TRIM2: variants seen among roughly 807,000 people sequenced by gnomAD.
TRIM2 encodes tripartite motif-containing protein 2.
In TRIM2, 20 loss-of-function variants were observed where a neutral mutation model predicts 75.2. The ratio of observed to expected loss-of-function variants is 0.27; its 90% CI spans 0.19 to 0.39. The LOEUF (loss-of-function observed/expected upper bound fraction) is 0.39. TRIM2 is among the 10% of genes least tolerant of loss of function. TRIM2 has a pLI of 1.00. For missense variants in TRIM2, 660 were observed against 990.8 expected, an observed-to-expected ratio of 0.67 and a Z score of 4.48; for synonymous variants, 373 against 388.3, an observed-to-expected ratio of 0.96 and a Z score of 0.46.
chr4:153,211,767 G>A (rs890695328), intron 1 of TRIM2, among the ~76,000 whole-genome samples: 4 of 152,006 alleles, frequency 2.6e-5, no homozygotes, highest in Admixed American at 2.6e-4. Context: ...GGGATTACAG[G>A]CATGAACCAC....
Position 153,296,158 on chromosome 4 carries a change from T to C in TRIM2, c.1510+122T>C, listed in dbSNP as rs1442996710. On this transcript the variant is annotated intron_variant, in intron 6 of 11. Transcript: ENST00000338700. ...CTCTACCTGCAGGTGTTAGGAGATG[T>C]ACTGCTATAAAATTTGATATATTTT... is the stretch of plus-strand genomic sequence containing the variant. 4.8e-6 allele frequency: 6 copies of C among 1,256,540 alleles called. No homozygotes were observed. In the African/African-American group the frequency reaches 7.5e-5, roughly 16 times the overall value. The allele number at this position is 1,256,540 out of a possible 1,614,324, so 77.8% of individuals were successfully genotyped here.
Position 153,322,699 on chromosome 4 carries a change from C to T in TRIM2, c.1834C>T (p.Arg612Cys), listed in dbSNP as rs770933241. 30 of 1,613,930 alleles carry T rather than the reference C, an allele frequency of 1.9e-5. 1 individual carries two copies. The highest frequency in any genetic ancestry group is 4.4e-5 in the South Asian group (4 of 91,072). The change falls in exon 9 of 12, where the codon CGC becomes TGC. Residue 612 changes from arginine (R) to cysteine (C), a missense_variant. Physicochemically the swap from Arg to Cys is radical, Grantham distance 180. This residue lies in a region of TRIM2 where 620 missense variants were observed against 891.0 expected (regional missense o/e 0.70). Coordinates refer to ENST00000338700, the MANE Select transcript of TRIM2 (RefSeq NM_015271.5). ...GGGACCCAAAGGAGTTTCTGTGGAC[C>T]GCAATGGGCACATTATTGTTGTGGA... ...LMGPKGVSVD[R>C]NGHIIVVDNK...
intron 1 of TRIM2, 115 bp downstream of exon 1, chr4:153,204,675 C>T (rs769015116): frequency 2.9e-4 from 393 of 1,346,634 alleles, no homozygotes; most frequent in Non-Finnish European, 3.9e-4. Context: ...TAATTTTTTC[C>T]CTGCAGAAGA....
At chr4:153,321,066 G>T (rs1768862768) in intron 8 of TRIM2, among the ~76,000 whole-genome samples, 1 of 152,134 alleles carries the variant, frequency 6.6e-6, no homozygotes, top group Non-Finnish European at 1.5e-5. Flanking sequence ...ACCTGGGGTG[G>T]TCCTTCGCCT....
At chr4:153,176,509 TAA>T (rs1731450032) in intron 1 of TRIM2, among the ~76,000 whole-genome samples, 13 of 152,190 alleles carry the variant, frequency 8.5e-5, no homozygotes, top group Admixed American at 7.2e-4. Context: ...CAGGTAAATC[TAA>T]GTCAAGAGTA....
chr4:153,220,442 T>C (rs1391136028), intron 1 of TRIM2, among the ~76,000 whole-genome samples: 1 of 152,068 alleles, frequency 6.6e-6, no homozygotes, highest in Non-Finnish European at 1.5e-5. Flanking sequence ...GTAAAAGAAA[T>C]GTATTAAAGA....
At chr4:153,331,553 A>G (rs982276430) in intron 11 of TRIM2, among the ~76,000 whole-genome samples, 35 of 152,226 alleles carry the variant, frequency 2.3e-4, no homozygotes, top group African/African-American at 8.2e-4. Flanking sequence ...AAGACTCAAC[A>G]ATGATGTCAG....
chr4:153,207,732 G>C lies in TRIM2; in HGVS notation c.30+3172G>C, dbSNP rs576283054. 5.9e-5 allele frequency among the ~76,000 whole-genome samples: 9 copies of C among 152,346 alleles called. No homozygotes were observed. In the South Asian group the frequency reaches 1.9e-3, roughly 32 times the overall value. On this transcript the variant is annotated intron_variant, in intron 1 of 11. Coordinates refer to ENST00000338700, the MANE Select transcript of TRIM2 (RefSeq NM_015271.5). Reference sequence around the variant, plus strand: ...AAAGAAGGGCGGGCTGGACATCAGCGTTCTGGTCTCCATCCGGGACTGGCC... The same window carrying C: ...AAAGAAGGGCGGGCTGGACATCAGCCTTCTGGTCTCCATCCGGGACTGGCC...
chr4:153,290,936 GT>G lies in TRIM2; in HGVS notation c.454-2041del, dbSNP rs546297382. Among the ~76,000 whole-genome samples, 405 of 152,132 alleles carry G rather than the reference GT, an allele frequency of 2.7e-3. 2 individuals carry two copies. The highest frequency in any genetic ancestry group is 9.3e-3 in the African/African-American group (387 of 41,474). On this transcript the variant is annotated intron_variant, in intron 3 of 11. Transcript: ENST00000338700. ...GAGCCACTGCACCCAGCTGAGAAAT[GT>G]TTTTGAGCAGAGAATGCATACAAGA...
At position 153,268,643 on chromosome 4, in the gene TRIM2, T is replaced by G. The variant is rs144527465; in HGVS notation, c.31-1692T>G. 3.0e-3 allele frequency among the ~76,000 whole-genome samples: 455 copies of G among 152,364 alleles called. 5 individuals carry two copies. Among genetic ancestry groups the G allele is most frequent in the African/African-American group, 0.01 (435 of 41,586 alleles). ...TATTTAGAAAATGAAGAGGTAAATT[T>G]TAGCTCAGCCTTGGTTTATGCCTTC... On this transcript the variant is annotated intron_variant, in intron 1 of 11. Transcript: ENST00000338700.
chr4:153,295,440 G>A lies in TRIM2; in HGVS notation c.914G>A (p.Ser305Asn), dbSNP rs1579432032. The change falls in exon 6 of 12, where the codon AGC becomes AAC. Residue 305 changes from serine (S) to asparagine (N), a missense_variant. Ser to Asn is a conservative substitution (Grantham distance 46, BLOSUM62 1). Around this residue, in one of 2 missense-constraint regions of TRIM2, gnomAD observed 620 missense variants for 891.0 expected, o/e 0.70. Transcript: ENST00000338700. This position sits in a 1 kb window ranked among gnomAD's most constrained non-coding sequence, Gnocchi z 7.2. Reference sequence around the variant, plus strand: ...GTCCTACTGGTGAAGAAGCAGATGAGCGAGAAGCTGAACGAGCTGGCCGAC... The same window carrying A: ...GTCCTACTGGTGAAGAAGCAGATGAACGAGAAGCTGAACGAGCTGGCCGAC... Reference protein sequence around the residue: ...TEVLLVKKQMSEKLNELADQD... With the variant: ...TEVLLVKKQMNEKLNELADQD... 1.9e-6 allele frequency: 3 copies of A among 1,614,242 alleles called. No homozygotes were observed. In the Admixed American group the frequency reaches 5.0e-5, roughly 27 times the overall value.
chr4:153,215,958 AT>A (rs892697798), intron 1 of TRIM2, among the ~76,000 whole-genome samples: 1 of 152,036 alleles, frequency 6.6e-6, no homozygotes, highest in Admixed American at 6.6e-5. Flanking sequence ...GCCTGTTTTT[AT>A]TTTTTTGTTG....
chr4:153,278,029 G>A (rs918819397), intron 3 of TRIM2, among the ~76,000 whole-genome samples: 1 of 152,166 alleles, frequency 6.6e-6, no homozygotes, highest in Non-Finnish European at 1.5e-5. Flanking sequence ...TTAAAATGAG[G>A]CTCTCTGGAG....
chr4:153,167,819 A>G (rs1730464541), intron 1 of TRIM2, among the ~76,000 whole-genome samples: 1 of 152,214 alleles, frequency 6.6e-6, no homozygotes, highest in Non-Finnish European at 1.5e-5. Flanking sequence ...GGACACAGGC[A>G]TGAGGTTCTG....
Position 153,215,499 on chromosome 4 carries a change from A to T in TRIM2, c.30+10939A>T, listed in dbSNP as rs145679777. The stretch of plus-strand genomic sequence containing the variant: ...TTGCTGCCATTTATCATATTTCTAT[A>T]AAAAAAAAAGCTCAAAACTACATTA... On this transcript the variant is annotated intron_variant, in intron 1 of 11. Transcript: ENST00000338700. Among the ~76,000 whole-genome samples the T allele has an allele frequency of 2.5e-3, 355 of 141,046 alleles. 4 individuals carry two copies. The highest frequency in any genetic ancestry group is 9.3e-3 in the African/African-American group (322 of 34,546). The allele number at this position is 141,046 out of a possible 152,430, so 92.5% of individuals were successfully genotyped here.
At chr4:153,244,196 T>C (rs1433797894) in intron 1 of TRIM2, among the ~76,000 whole-genome samples, 3 of 144,614 alleles carry the variant, frequency 2.1e-5, no homozygotes, top group Non-Finnish European at 4.5e-5. Context: ...CTTCTTCTTC[T>C]CCTCCTTTTC....
chr4:153,273,581 C>G lies in TRIM2; in HGVS notation c.216-2312C>G, dbSNP rs377598040. Among the ~76,000 whole-genome samples, 400 of 151,890 alleles carry G rather than the reference C, an allele frequency of 2.6e-3. 5 individuals carry two copies. The highest frequency in any genetic ancestry group is 9.2e-3 in the African/African-American group (380 of 41,374). ...GTGCTGGCATTACAGGCGTGAGCCA[C>G]CACGCCCAGCCCTTACAGTCACTCT... On this transcript the variant is annotated intron_variant, in intron 2 of 11. Transcript: ENST00000338700.
At chr4:153,317,844 CAG>C (rs1768029047) in intron 8 of TRIM2, among the ~76,000 whole-genome samples, 1 of 152,064 alleles carries the variant, frequency 6.6e-6, no homozygotes, top group Non-Finnish European at 1.5e-5. Flanking sequence ...CCTGTAGTCC[CAG>C]CCACTTGGGA....
intron 1 of TRIM2, among the ~76,000 whole-genome samples, chr4:153,259,971 T>G (rs751327567): frequency 5.9e-5 from 9 of 152,236 alleles, no homozygotes; most frequent in Non-Finnish European, 1.2e-4. Context: ...GCCTCTATTT[T>G]TCCATTAAGT....
Sources: gnomAD v4.1 joint callset for allele counts (sites outside exome capture counted in the v4.1 genomes callset) on GRCh38, gnomAD v4.1.1 for gene constraint, gnomAD v4.1.1 regional missense constraint, Gnocchi (gnomAD v3.1) non-coding constraint, MANE v1.5 for transcripts, NCBI Gene and HGNC (gene_info 2026-07-23, HGNC 2026-07-21) for gene names.